The following THSD7A variants were observed in gnomAD, a reference collection of about 807,000 sequenced individuals.
The protein encoded by THSD7A is thrombospondin type-1 domain-containing protein 7A.
THSD7A carries 96 observed loss-of-function variants against 231.3 expected under a neutral mutation model. That is an observed-to-expected ratio of 0.41 (90% CI 0.35 to 0.49). The LOEUF is 0.49. THSD7A is among the 20% of genes least tolerant of loss of function. The pLI is 0.05. For missense variants in THSD7A, 2,290 were observed against 2,070.2 expected, an observed-to-expected ratio of 1.11 and a Z score of -2.06; for synonymous variants, 940 against 743.3, an observed-to-expected ratio of 1.26 and a Z score of -4.30.
At position 11,831,862 on chromosome 7, in the gene THSD7A, G is replaced by GCAGCGA; in HGVS notation, c.84_85insTCGCTG (p.Leu28_Pro29insSerLeu). On this transcript the variant is annotated inframe_insertion, in exon 1 of 28. Coordinates refer to ENST00000423059, the MANE Select transcript of THSD7A (RefSeq NM_015204.3). The surrounding 1 kb of genome is among the most constrained non-coding windows in gnomAD (Gnocchi z 5.0). The stretch of plus-strand genomic sequence containing the variant: ...AGCAGGAGCAGCGGCAGCGGCAGCG[G>GCAGCGA]CAGCGGCAGCAGCTGCAGGACGCCC... 1 of 1,298,762 alleles carries GCAGCGA rather than the reference G, an allele frequency of 7.7e-7. No homozygotes were observed. 80.5% of individuals were successfully genotyped at this position (1,298,762 alleles called of 1,614,324 possible).
intron 23 of THSD7A, among the ~76,000 whole-genome samples, chr7:11,395,596 C>A (rs1783153391): frequency 6.6e-6 from 1 of 150,932 alleles, no homozygotes; most frequent in Non-Finnish European, 1.5e-5. Context: ...GGCACTATCT[C>A]AGCTCACTGC....
chr7:11,615,472 T>G (rs1398471970), intron 2 of THSD7A, among the ~76,000 whole-genome samples: 1 of 152,206 alleles, frequency 6.6e-6, no homozygotes, highest in Non-Finnish European at 1.5e-5. Context: ...CTATCCTCAG[T>G]AATAAACCCC....
chr7:11,382,451 A>G (rs1169590011), intron 24 of THSD7A, 70 bp downstream of exon 24: 1 of 1,270,892 alleles, frequency 7.9e-7, no homozygotes, highest in African/African-American at 1.5e-5. Flanking sequence ...TTCCTTAATT[A>G]TTTTCTTCAA....
chr7:11,389,929 C>A (rs1471570204), intron 23 of THSD7A, among the ~76,000 whole-genome samples: 1 of 151,660 alleles, frequency 6.6e-6, no homozygotes, highest in Non-Finnish European at 1.5e-5. Context: ...TTAAGAATGT[C>A]GAATATGGGC....
At chr7:11,403,465 A>G (rs1361663506) in intron 22 of THSD7A, among the ~76,000 whole-genome samples, 3 of 152,210 alleles carry the variant, frequency 2.0e-5, no homozygotes, top group Non-Finnish European at 4.4e-5. Flanking sequence ...ATAGTCTGAG[A>G]AAGTTTTAGA....
intron 1 of THSD7A, among the ~76,000 whole-genome samples, chr7:11,796,072 A>ATATG (rs1784116395): frequency 7.3e-6 from 1 of 136,712 alleles, no homozygotes; most frequent in African/African-American, 2.8e-5. Context: ...ATATATATAT[A>ATATG]TATATTTGGA....
intron 1 of THSD7A, among the ~76,000 whole-genome samples, chr7:11,801,700 T>C (rs1283704423): frequency 6.6e-6 from 1 of 152,196 alleles, no homozygotes; most frequent in East Asian, 1.9e-4. Context: ...ATGTGGAAAA[T>C]GAGTAGCTTG....
intron 1 of THSD7A, among the ~76,000 whole-genome samples, chr7:11,715,829 A>G (rs1377942739): frequency 6.6e-6 from 1 of 151,490 alleles, no homozygotes; most frequent in African/African-American, 2.4e-5. Context: ...AAAACAGTAA[A>G]TGATGGACGC....
intron 6 of THSD7A, among the ~76,000 whole-genome samples, chr7:11,518,598 A>AACACACACAAAC (rs1788132907): frequency 6.7e-6 from 1 of 150,064 alleles, no homozygotes; most frequent in Non-Finnish European, 1.5e-5. Context: ...ATAAAATAGA[A>AACACACACAAAC]ACACACACAC....
chr7:11,617,564 T>C lies in THSD7A; in HGVS notation c.1022+18566A>G, dbSNP rs571201295. ...AACGGAGACCTAGGATAGATAAATA[T>C]ATTTCTAATATTTTATTGTTGGCAA... On this transcript the variant is annotated intron_variant, in intron 2 of 27. Transcript: ENST00000423059. Among the ~76,000 whole-genome samples the C allele has an allele frequency of 2.2e-4, 33 of 152,330 alleles. No homozygotes were observed. In the South Asian group the frequency reaches 6.8e-3, roughly 32 times the overall value.
chr7:11,690,527 T>A (rs977345691), intron 1 of THSD7A, among the ~76,000 whole-genome samples: 2 of 151,750 alleles, frequency 1.3e-5, no homozygotes, highest in African/African-American at 4.8e-5. Context: ...TGTGTTTTCC[T>A]CCTCAGCTCT....
chr7:11,548,183 A>G (rs1056788971), intron 4 of THSD7A, among the ~76,000 whole-genome samples: 2 of 152,176 alleles, frequency 1.3e-5, no homozygotes, highest in Non-Finnish European at 1.5e-5. Flanking sequence ...TGACATAACC[A>G]GTGACCCCAC....
At chr7:11,734,204 T>C (rs1351567900) in intron 1 of THSD7A, among the ~76,000 whole-genome samples, 2 of 151,976 alleles carry the variant, frequency 1.3e-5, no homozygotes, top group Non-Finnish European at 2.9e-5. Flanking sequence ...ATTACTTAAT[T>C]GTTGCTCTCT....
intron 7 of THSD7A, among the ~76,000 whole-genome samples, chr7:11,479,164 A>G (rs192946666): frequency 9.4e-4 from 143 of 152,282 alleles, no homozygotes; most frequent in South Asian, 6.6e-3. Flanking sequence ...GAAGTAAATA[A>G]AGCTTTGTTC....
chr7:11,817,038 A>G (rs113510203), intron 1 of THSD7A, among the ~76,000 whole-genome samples: 2 of 152,214 alleles, frequency 1.3e-5, no homozygotes, highest in African/African-American at 4.8e-5. Context: ...ATGGGTTGTA[A>G]TGGACATGAA....
At chr7:11,517,191 G>T (rs1037769277) in intron 6 of THSD7A, among the ~76,000 whole-genome samples, 5 of 152,190 alleles carry the variant, frequency 3.3e-5, no homozygotes, top group Admixed American at 3.3e-4. Flanking sequence ...CCATTCTCCT[G>T]CCTCAGCCTC....
At chr7:11,675,117 G>A (rs116080616) in intron 1 of THSD7A, among the ~76,000 whole-genome samples, 254 of 152,122 alleles carry the variant, frequency 1.7e-3, no homozygotes, top group African/African-American at 5.9e-3. Flanking sequence ...CCCATGGAGG[G>A]CAAGCAGAAG....
chr7:11,709,424 C>A (rs13311304), intron 1 of THSD7A, among the ~76,000 whole-genome samples: 3 of 150,500 alleles, frequency 2.0e-5, no homozygotes, highest in Admixed American at 1.3e-4. Context: ...TCTAACTTAC[C>A]AGTCTCATAA....
intron 4 of THSD7A, among the ~76,000 whole-genome samples, chr7:11,563,053 G>C (rs1171868883): frequency 6.6e-6 from 1 of 152,178 alleles, no homozygotes; most frequent in Non-Finnish European, 1.5e-5. Context: ...CTTTTATCCT[G>C]AAAATTAATC....
Sources: gnomAD v4.1 joint callset for allele counts (sites outside exome capture counted in the v4.1 genomes callset) on GRCh38, gnomAD v4.1.1 for gene constraint, Gnocchi (gnomAD v3.1) non-coding constraint, MANE v1.5 for transcripts, NCBI Gene and HGNC (gene_info 2026-07-23, HGNC 2026-07-21) for gene names.